Variants in ZZEF1 observed in about 807,000 individuals in gnomAD.
ZZEF1 encodes the protein zinc finger ZZ-type and EF-hand domain containing 1, also known as zinc finger ZZ-type and EF-hand domain-containing protein 1.
In ZZEF1, 157 loss-of-function variants were observed where a neutral mutation model predicts 342.8. The observed-to-expected ratio is 0.46, with a 90% CI of 0.40 to 0.52. ZZEF1 has a LOEUF of 0.52. ZZEF1 is among the 20% of genes least tolerant of loss of function. The pLI is 0.00. For missense variants in ZZEF1, 3,480 were observed against 3,725.6 expected (o/e 0.93, Z 1.72); for synonymous variants, 1,505 against 1,429.1 (o/e 1.05, Z -1.20).
chr17:4,140,414 GTTAAA>G (rs1287809684), intron 1 of ZZEF1, among the ~76,000 whole-genome samples: 1 of 152,132 alleles, frequency 6.6e-6, no homozygotes, highest in Non-Finnish European at 1.5e-5. Context: ...CCCAAGTGAG[GTTAAA>G]TACACTTGCT....
chr17:4,057,020 A>G (rs923623645), intron 32 of ZZEF1: 1 of 152,268 alleles, frequency 6.6e-6, no homozygotes, highest in African/African-American at 2.4e-5. Flanking sequence ...AAGAGCAAAT[A>G]CAAAATATTT....
intron 35 of ZZEF1, 25 bp downstream of exon 35, chr17:4,051,946 G>T: frequency 6.3e-7 from 1 of 1,594,672 alleles, no homozygotes; most frequent in Non-Finnish European, 8.6e-7. Context: ...AAAAGGCTTG[G>T]TGGCGACGGT....
chr17:4,011,644 A>G (rs2055961152), intron 52 of ZZEF1, among the ~76,000 whole-genome samples: 1 of 152,084 alleles, frequency 6.6e-6, no homozygotes, highest in Non-Finnish European at 1.5e-5. Flanking sequence ...AATAAATAAT[A>G]TTCTAGAACT....
At chr17:4,096,395 G>A (rs746938978) in intron 10 of ZZEF1, among the ~76,000 whole-genome samples, 1 of 151,996 alleles carries the variant, frequency 6.6e-6, no homozygotes, top group Non-Finnish European at 1.5e-5. Context: ...ACATGGAAAA[G>A]TAACTACAAC....
chr17:4,128,175 G>A (rs370298594), intron 1 of ZZEF1, among the ~76,000 whole-genome samples: 5 of 151,844 alleles, frequency 3.3e-5, no homozygotes, highest in South Asian at 4.2e-4. Context: ...GTGAAACCCC[G>A]TCTCTACTAA....
chr17:4,104,927 AG>A (rs2058186347), intron 7 of ZZEF1, 116 bp from the exon 8 acceptor site: 1 of 827,456 alleles, frequency 1.2e-6, no homozygotes, highest in Non-Finnish European at 1.8e-6. Context: ...TGCTTTCTAC[AG>A]GTTTATCCGA....
intron 37 of ZZEF1, among the ~76,000 whole-genome samples, chr17:4,046,991 A>T (rs1165111105): frequency 2.0e-5 from 3 of 152,196 alleles, no homozygotes; most frequent in African/African-American, 7.2e-5. Flanking sequence ...CCTTATGGCC[A>T]CTGTAGTGGC....
At chr17:4,027,190 G>A (rs894973684) in intron 42 of ZZEF1, among the ~76,000 whole-genome samples, 2 of 151,414 alleles carry the variant, frequency 1.3e-5, no homozygotes, top group Non-Finnish European at 2.9e-5. Flanking sequence ...TGCCCAGGCT[G>A]GCACTGAATT....
At chr17:4,030,027 T>TA (rs66993338) in intron 42 of ZZEF1, among the ~76,000 whole-genome samples, 10,623 of 130,822 alleles carry the variant, frequency 0.081, 445 homozygotes, top group South Asian at 0.14. Context: ...GAGATCCTAT[T>TA]AAAAAAAAAA....
At chr17:4,072,961 C>T (rs1218952729) in intron 24 of ZZEF1, 1 of 429,596 alleles carries the variant, frequency 2.3e-6, no homozygotes, top group Non-Finnish European at 4.0e-6. Context: ...AATACTGCTG[C>T]TCTGTGGAAC....
chr17:4,112,033 AATATATAT>A (rs57925351), intron 5 of ZZEF1, among the ~76,000 whole-genome samples: 129 of 54,294 alleles, frequency 2.4e-3, no homozygotes, highest in Non-Finnish European at 3.0e-3. Context: ...ATCCTGTCTA[AATATATAT>A]ATATATATAT....
intron 28 of ZZEF1, 26 bp from the exon 29 acceptor site, chr17:4,064,855 G>A (rs1409779141): frequency 0.013 from 13,622 of 1,036,408 alleles, 42 homozygotes; most frequent in South Asian, 0.052. Context: ...AATCATAATT[G>A]AAAAAAAAAA....
rs532648292 is a variant in ZZEF1 at position 4,034,080 on chromosome 17, G to C, written c.6519C>G (p.Ser2173=). 2 of 1,614,212 alleles carry C rather than the reference G, an allele frequency of 1.2e-6. No individual in the cohort carries two copies. Among genetic ancestry groups the C allele is most frequent in the South Asian group, 2.2e-5 (2 of 91,086 alleles). ...TGGTTTTCCAGCCATCTGGCACAATGGAACTGTCCCCTGCAGCAAACAGGT... is the reference window on the plus strand; with the variant it reads ...TGGTTTTCCAGCCATCTGGCACAATCGAACTGTCCCCTGCAGCAAACAGGT... ...KHNLFAAGDS[S]IVPDGWKTTH... is the part of the protein sequence containing the mutation. Residue 2173 remains serine, a synonymous_variant, in exon 40 of 55, where the codon TCC becomes TCG. Coordinates refer to ENST00000381638, the MANE Select transcript of ZZEF1 (RefSeq NM_015113.4).
At chr17:4,030,037 AAAAAAG>A (rs1394095643) in intron 42 of ZZEF1, among the ~76,000 whole-genome samples, 3 of 151,668 alleles carry the variant, frequency 2.0e-5, no homozygotes, top group Admixed American at 6.6e-5. Context: ...TAAAAAAAAA[AAAAAAG>A]AAAAGAAAAG....
rs541464395 is a variant in ZZEF1 at position 4,042,566 on chromosome 17, C to T, written c.6169G>A (p.Ala2057Thr). The T allele has an allele frequency of 6.2e-7, 1 of 1,610,084 alleles. No homozygotes were observed. The highest frequency in any genetic ancestry group is 1.3e-5 in the African/African-American group (1 of 74,784). The change falls in exon 39 of 55, where the codon GCT becomes ACT. Residue 2057 changes from alanine to threonine, a missense_variant and splice_region_variant. Physicochemically the swap from Ala to Thr is moderately conservative, Grantham distance 58 (BLOSUM62 0). This residue lies in a region of ZZEF1 where 1,269 missense variants were observed against 1,342.4 expected (regional missense o/e 0.95). Transcript: ENST00000381638. Reference sequence around the variant, plus strand: ...TGAGATGACACTTCTGAATCTTCAGCATCTAAGTGGTAAAACAAACTTTCA... The same window carrying T: ...TGAGATGACACTTCTGAATCTTCAGTATCTAAGTGGTAAAACAAACTTTCA... ...DASPPTGLPD[A>T]EDSEVSSQKP...
At chr17:4,079,358 A>G (rs1450323031) in intron 18 of ZZEF1, among the ~76,000 whole-genome samples, 1 of 152,196 alleles carries the variant, frequency 6.6e-6, no homozygotes. Flanking sequence ...GGCTTCAGGG[A>G]TCTGAGAAAC....
rs760905754 is a variant in ZZEF1 at position 4,044,214 on chromosome 17, T to C, written c.6166+10A>G. ...GAAAGAGATGAAGATAATGGTCAAA[T>C]AGTCTTTACCTGGAAGTCCTGTAGG... On this transcript the variant is annotated intron_variant, in intron 38 of 54. Coordinates refer to ENST00000381638, the MANE Select transcript of ZZEF1 (RefSeq NM_015113.4). 1.1e-5 allele frequency: 18 copies of C among 1,612,820 alleles called. No homozygotes were observed. The highest frequency in any genetic ancestry group is 1.0e-4 in the Admixed American group (6 of 59,710).
chr17:4,077,094 G>A (rs2057637672), intron 19 of ZZEF1, 105 bp from the exon 20 acceptor site: 2 of 1,153,352 alleles, frequency 1.7e-6, no homozygotes, highest in South Asian at 2.4e-5. Context: ...TGCAGAGGGG[G>A]TTCCACAGCG....
At position 4,120,358 on chromosome 17, in the gene ZZEF1, GA is replaced by G. The variant is rs879317172; in HGVS notation, c.500-3193del. Among the ~76,000 whole-genome samples, 632 of 131,990 alleles carry G rather than the reference GA, an allele frequency of 4.8e-3. 2 individuals carry two copies. Among genetic ancestry groups the G allele is most frequent in the African/African-American group, 0.013 (481 of 36,012 alleles). The allele number at this position is 131,990 out of a possible 152,430, so 86.6% of individuals were successfully genotyped here. A position where few individuals can be genotyped will look rare whatever the true frequency, so the allele number is the denominator to read the frequency against. On this transcript the variant is annotated intron_variant, in intron 2 of 54. Transcript: ENST00000381638. The stretch of plus-strand genomic sequence containing the variant: ...GGTGACAGAGCAAGATTCCGTCTCA[GA>G]AAAAAAAAAAAAATGTTCCTTTAGA...
Sources: gnomAD v4.1 joint callset for allele counts (sites outside exome capture counted in the v4.1 genomes callset) on GRCh38, gnomAD v4.1.1 for gene constraint, gnomAD v4.1.1 regional missense constraint, MANE v1.5 for transcripts, NCBI Gene and HGNC (gene_info 2026-07-23, HGNC 2026-07-21) for gene names.